The following TENM4 variants were observed in gnomAD, a reference collection of about 807,000 sequenced individuals.
The protein encoded by TENM4 is teneurin transmembrane protein 4, also known as teneurin-4.
Under a neutral mutation model 243.3 loss-of-function variants are expected in TENM4, and 82 were observed. That is an observed-to-expected ratio of 0.34 (90% CI 0.28 to 0.40). TENM4 has a LOEUF of 0.40. TENM4 is among the 10% of genes least tolerant of loss of function. The pLI, the probability that TENM4 is intolerant of heterozygous loss-of-function variation, is 1.00. For missense variants in TENM4, 3,138 were observed against 3,673.3 expected, an observed-to-expected ratio of 0.85 and a Z score of 3.77; for synonymous variants, 1,412 against 1,456.3, an observed-to-expected ratio of 0.97 and a Z score of 0.69.
At chr11:78,831,463 G>T (rs1413706091) in intron 12 of TENM4, among the ~76,000 whole-genome samples, 1 of 152,240 alleles carries the variant, frequency 6.6e-6, no homozygotes, top group Non-Finnish European at 1.5e-5. Flanking sequence ...AGTGCTTGCG[G>T]TAATAAATGC....
intron 1 of TENM4, among the ~76,000 whole-genome samples, chr11:79,362,265 G>A (rs1267083299): frequency 1.3e-5 from 2 of 152,214 alleles, no homozygotes; most frequent in Admixed American, 1.3e-4. Context: ...TTCAGGTGCA[G>A]AGGCTTGAAC....
intron 2 of TENM4, among the ~76,000 whole-genome samples, chr11:79,267,626 T>C (rs113435550): frequency 6.1e-4 from 93 of 152,316 alleles, no homozygotes; most frequent in African/African-American, 2.2e-3. Context: ...GATAATCATC[T>C]TTACCTCCAT....
intron 1 of TENM4, among the ~76,000 whole-genome samples, chr11:79,334,136 C>A (rs1056364002): frequency 1.3e-5 from 2 of 152,166 alleles, no homozygotes; most frequent in African/African-American, 2.4e-5. Context: ...GGAATGAGAG[C>A]CCCAACAAAA....
intron 4 of TENM4, among the ~76,000 whole-genome samples, chr11:79,131,320 CAGG>C (rs2137161845): frequency 6.6e-6 from 1 of 152,258 alleles, no homozygotes; most frequent in Admixed American, 6.5e-5. Flanking sequence ...ATCAGAGTAA[CAGG>C]AGATTTCTCA....
At chr11:78,673,547 G>A (rs180799657) in intron 30 of TENM4, among the ~76,000 whole-genome samples, 5 of 152,334 alleles carry the variant, frequency 3.3e-5, no homozygotes, top group African/African-American at 1.2e-4. Flanking sequence ...TGAAGGCCAG[G>A]ATTCTAGCTG....
chr11:78,755,017 T>A (rs1856274808), intron 19 of TENM4, among the ~76,000 whole-genome samples: 1 of 152,238 alleles, frequency 6.6e-6, no homozygotes, highest in African/African-American at 2.4e-5. Context: ...CATGTCTGCA[T>A]CCCGCTCCGT....
At chr11:79,270,146 T>G (rs887682131) in intron 2 of TENM4, among the ~76,000 whole-genome samples, 2 of 152,160 alleles carry the variant, frequency 1.3e-5, no homozygotes, top group Non-Finnish European at 2.9e-5. Flanking sequence ...CCTGGCCACC[T>G]GCAGGAGCCT....
chr11:79,089,848 T>A (rs1421352813), intron 4 of TENM4, among the ~76,000 whole-genome samples: 3 of 152,206 alleles, frequency 2.0e-5, no homozygotes, highest in Admixed American at 1.3e-4. Flanking sequence ...TGTGCTGTTG[T>A]GTTGCCATTT....
At chr11:79,086,075 C>A (rs11605580) in intron 4 of TENM4, among the ~76,000 whole-genome samples, 41,055 of 152,116 alleles carry the variant, frequency 0.27, 5,645 homozygotes, top group East Asian at 0.42. Context: ...AGGAATCATA[C>A]CTCCCTGTTT....
rs185925900 is a variant in TENM4 at position 78,868,833 on chromosome 11, A to G, written c.1085-5701T>C. 6.4e-4 allele frequency among the ~76,000 whole-genome samples: 97 copies of G among 152,278 alleles called. 2 individuals are homozygous for G. Among genetic ancestry groups the G allele is most frequent in the Non-Finnish European group, 1.9e-4 (13 of 68,016 alleles). On this transcript the variant is annotated intron_variant, in intron 9 of 33. Coordinates refer to ENST00000278550, the MANE Select transcript of TENM4 (RefSeq NM_001098816.3). ...TATAACCACAAGGAACTGTTGATTC[A>G]AGTGGCATTTTTGGTTTCAAAAGGC...
chr11:79,391,612 T>A (rs866211526), intron 1 of TENM4, among the ~76,000 whole-genome samples: 1 of 152,210 alleles, frequency 6.6e-6, no homozygotes, highest in Non-Finnish European at 1.5e-5. Flanking sequence ...TTATAACTCA[T>A]TGGGTGAAAA....
intron 2 of TENM4, among the ~76,000 whole-genome samples, chr11:79,291,077 C>T (rs527319163): frequency 1.3e-5 from 2 of 152,216 alleles, no homozygotes; most frequent in East Asian, 3.9e-4. Flanking sequence ...AGGGTTTTTG[C>T]TGTGGTGGCT....
At chr11:79,394,922 C>A (rs1314451069) in intron 1 of TENM4, among the ~76,000 whole-genome samples, 2 of 152,210 alleles carry the variant, frequency 1.3e-5, no homozygotes, top group African/African-American at 4.8e-5. Flanking sequence ...GTGTCACAAT[C>A]ACCAGAAGCC....
intron 1 of TENM4, among the ~76,000 whole-genome samples, chr11:79,299,835 G>A (rs1856521938): frequency 6.6e-6 from 1 of 152,184 alleles, no homozygotes; most frequent in South Asian, 2.1e-4. Context: ...TCCATTTCCT[G>A]TCATCTGGTT....
chr11:79,158,744 C>T lies in TENM4; in HGVS notation c.-162-9938G>A, dbSNP rs77403633. Among the ~76,000 whole-genome samples, 975 of 152,258 alleles carry T rather than the reference C, an allele frequency of 6.4e-3. 11 individuals are homozygous for T. Among genetic ancestry groups the T allele is most frequent in the African/African-American group, 0.022 (922 of 41,544 alleles). Reference sequence around the variant, plus strand: ...TTTCTTATAGAGAAGGTATCTGAGGCTTAGGGATGTTGAATAATTTGCACA... The same window carrying T: ...TTTCTTATAGAGAAGGTATCTGAGGTTTAGGGATGTTGAATAATTTGCACA... On this transcript the variant is annotated intron_variant, in intron 3 of 33. Coordinates refer to ENST00000278550, the MANE Select transcript of TENM4 (RefSeq NM_001098816.3).
intron 12 of TENM4, among the ~76,000 whole-genome samples, chr11:78,845,533 A>C (rs950608473): frequency 6.6e-6 from 1 of 152,058 alleles, no homozygotes. Context: ...CAACAACCTC[A>C]ACTATCGACC....
At chr11:79,133,396 G>A (rs1162078884) in intron 4 of TENM4, among the ~76,000 whole-genome samples, 1 of 152,118 alleles carries the variant, frequency 6.6e-6, no homozygotes, top group African/African-American at 2.4e-5. Flanking sequence ...GCACCAGATG[G>A]ATTCACAGCA....
intron 1 of TENM4, among the ~76,000 whole-genome samples, chr11:79,412,427 C>G (rs1429144364): frequency 6.6e-6 from 1 of 152,152 alleles, no homozygotes; most frequent in East Asian, 1.9e-4. Context: ...CTTTGGAACA[C>G]CCAACCCCAT....
intron 2 of TENM4, 21 bp from the exon 3 acceptor site, chr11:79,215,930 G>T: frequency 1.1e-6 from 1 of 924,126 alleles, no homozygotes; most frequent in Non-Finnish European, 1.3e-6. Context: ...AGAGAACACA[G>T]ATCCAACTGA....
Sources: allele counts gnomAD v4.1 joint callset (sites outside exome capture counted in the v4.1 genomes callset), GRCh38; gene constraint gnomAD v4.1.1; transcripts MANE v1.5; gene names NCBI Gene and HGNC (gene_info 2026-07-23, HGNC 2026-07-21).